Variants in ARID1B observed in about 807,000 individuals in gnomAD.
ARID1B encodes AT-rich interaction domain 1B, also known as AT-rich interactive domain-containing protein 1B.
ARID1B carries 30 observed loss-of-function variants against 212.3 expected under a neutral mutation model. The ratio of observed to expected loss-of-function variants is 0.14; its 90% CI spans 0.11 to 0.19. The LOEUF (loss-of-function observed/expected upper bound fraction) is 0.19. Ranked by LOEUF, ARID1B falls within the 10% of genes least tolerant of loss-of-function variation. ARID1B has a pLI of 1.00. For missense variants in ARID1B, 2,891 were observed against 3,204.0 expected, an observed-to-expected ratio of 0.90 and a Z score of 2.36; for synonymous variants, 1,402 against 1,301.7, an observed-to-expected ratio of 1.08 and a Z score of -1.66.
intron 7 of ARID1B, among the ~76,000 whole-genome samples, chr6:157,139,326 T>G (rs2128604481): frequency 6.6e-6 from 1 of 152,310 alleles, no homozygotes; most frequent in African/African-American, 2.4e-5. Context: ...GCAGCTTCAC[T>G]TGCCCTCTTA....
chr6:157,039,970 A>G (rs1260305762), intron 4 of ARID1B, among the ~76,000 whole-genome samples: 3 of 138,572 alleles, frequency 2.2e-5, no homozygotes, highest in South Asian at 2.2e-4. Flanking sequence ...TTTCTTTCCA[A>G]GACGGAGTCT....
At chr6:157,150,142 T>C (rs1300616632) in intron 8 of ARID1B, 1 of 152,210 alleles carries the variant, frequency 6.6e-6, no homozygotes, top group Non-Finnish European at 1.5e-5. Flanking sequence ...GAATTGTCCA[T>C]TGTTGCAACT....
At position 157,197,723 on chromosome 6, in the gene ARID1B, G is replaced by A. The variant is rs143482913; in HGVS notation, c.4383-1088G>A. ...AGGAAAAGCTACAGATGTTTTTTTGGGGGGGGTAGCTGGCAAGATTAGAAG... is the reference window on the plus strand; with the variant it reads ...AGGAAAAGCTACAGATGTTTTTTTGAGGGGGGTAGCTGGCAAGATTAGAAG... On this transcript the variant is annotated intron_variant, in intron 16 of 19. Coordinates refer to ENST00000636930, the MANE Select transcript of ARID1B (RefSeq NM_001374828.1). 2.1e-3 allele frequency among the ~76,000 whole-genome samples: 321 copies of A among 152,148 alleles called. 1 individual carries two copies. The highest frequency in any genetic ancestry group is 7.2e-3 in the African/African-American group (298 of 41,522).
intron 8 of ARID1B, 129 bp from the exon 9 acceptor site, chr6:157,166,910 TG>T: frequency 7.9e-7 from 1 of 1,270,330 alleles, no homozygotes; most frequent in Non-Finnish European, 1.1e-6. Context: ...GGAAATAATC[TG>T]TTTTACACAA....
At chr6:157,133,588 C>A (rs190396116) in intron 7 of ARID1B, among the ~76,000 whole-genome samples, 1 of 152,194 alleles carries the variant, frequency 6.6e-6, no homozygotes, top group Non-Finnish European at 1.5e-5. Flanking sequence ...TGGCCCATCC[C>A]TCTTAGTGAT....
intron 1 of ARID1B, among the ~76,000 whole-genome samples, chr6:156,788,287 C>A (rs769799354): frequency 2.0e-5 from 3 of 151,964 alleles, no homozygotes; most frequent in Non-Finnish European, 4.4e-5. Flanking sequence ...TTTTTGCATT[C>A]CACTGTAGTT....
At chr6:156,784,398 T>C (rs1779492868) in intron 1 of ARID1B, among the ~76,000 whole-genome samples, 1 of 152,246 alleles carries the variant, frequency 6.6e-6, no homozygotes, top group Non-Finnish European at 1.5e-5. Flanking sequence ...GCTTGGAGGC[T>C]ATTTGAATGA....
chr6:156,930,800 C>T (rs887752540), intron 3 of ARID1B, among the ~76,000 whole-genome samples: 1 of 152,086 alleles, frequency 6.6e-6, no homozygotes. Flanking sequence ...GTGCTGTTTA[C>T]AGAAAATATG....
rs1250382773 is a variant in ARID1B at position 157,138,840 on chromosome 6, G to C, written c.2761+5633G>C. ...AAGGATTAATTCCTTCTTCTATACT[G>C]TTATGTTTTACTAAGGAAATATACT... On this transcript the variant is annotated intron_variant, in intron 7 of 19. Coordinates refer to ENST00000636930, the MANE Select transcript of ARID1B (RefSeq NM_001374828.1). Among the ~76,000 whole-genome samples, 5 of 152,228 alleles carry C rather than the reference G, an allele frequency of 3.3e-5. No individual in the cohort carries two copies. In the East Asian group the frequency reaches 7.7e-4, roughly 24 times the overall value.
intron 4 of ARID1B, among the ~76,000 whole-genome samples, 154 bp from the exon 5 acceptor site, chr6:157,084,508 A>G (rs928098120): frequency 2.0e-5 from 3 of 152,226 alleles, no homozygotes; most frequent in African/African-American, 7.2e-5. Context: ...GACCTCATTA[A>G]AATCTAATAA....
chr6:156,994,641 T>C (rs1778480791), intron 4 of ARID1B, among the ~76,000 whole-genome samples: 1 of 152,098 alleles, frequency 6.6e-6, no homozygotes, highest in Admixed American at 6.5e-5. Flanking sequence ...GCACGCCCAT[T>C]ATGGGCAACC....
At chr6:156,931,238 GT>G (rs1285661481) in intron 3 of ARID1B, among the ~76,000 whole-genome samples, 1 of 148,756 alleles carries the variant, frequency 6.7e-6, no homozygotes, top group African/African-American at 2.5e-5. Flanking sequence ...CCATGGGAAT[GT>G]TTTCCCTTTT....
At chr6:156,844,282 T>C (rs1326972518) in intron 2 of ARID1B, among the ~76,000 whole-genome samples, 1 of 152,248 alleles carries the variant, frequency 6.6e-6, no homozygotes, top group Admixed American at 6.5e-5. Context: ...GAAGAGAAAC[T>C]GTTTCTTCAT....
chr6:157,039,746 T>TTCCG (rs764628859), intron 4 of ARID1B, among the ~76,000 whole-genome samples: 5 of 106,442 alleles, frequency 4.7e-5, no homozygotes, highest in Admixed American at 9.0e-5. Context: ...CCTCCCTCCC[T>TTCCG]TCCTTCCTTC....
intron 3 of ARID1B, among the ~76,000 whole-genome samples, chr6:156,927,767 C>T (rs1791343236): frequency 6.6e-6 from 1 of 152,200 alleles, no homozygotes; most frequent in Admixed American, 6.5e-5. Context: ...GTGTCTAATT[C>T]TAAGTATAAG....
At chr6:156,782,480 T>C (rs537267234) in intron 1 of ARID1B, among the ~76,000 whole-genome samples, 5 of 152,108 alleles carry the variant, frequency 3.3e-5, no homozygotes, top group Non-Finnish European at 7.4e-5. Context: ...CTCACGCACA[T>C]AGGTTTTATG....
chr6:157,035,991 A>G (rs1198805399), intron 4 of ARID1B, among the ~76,000 whole-genome samples: 2 of 152,190 alleles, frequency 1.3e-5, no homozygotes, highest in Non-Finnish European at 2.9e-5. Flanking sequence ...ACACATGCCT[A>G]GTTTTAAAAG....
At chr6:157,098,114 G>A (rs757722844) in intron 5 of ARID1B, among the ~76,000 whole-genome samples, 5 of 152,212 alleles carry the variant, frequency 3.3e-5, no homozygotes, top group Non-Finnish European at 7.3e-5. Flanking sequence ...GGAGGAATAA[G>A]AATGGGTGAG....
At chr6:156,819,101 A>C (rs1046261439) in intron 1 of ARID1B, among the ~76,000 whole-genome samples, 12 of 152,178 alleles carry the variant, frequency 7.9e-5, no homozygotes, top group Non-Finnish European at 1.8e-4. Context: ...ACAGAGCTAC[A>C]AGTGGTGGGG....
Sources: allele counts gnomAD v4.1 joint callset (sites outside exome capture counted in the v4.1 genomes callset), GRCh38; gene constraint gnomAD v4.1.1; transcripts MANE v1.5; gene names NCBI Gene and HGNC (gene_info 2026-07-23, HGNC 2026-07-21).